The following ACOXL variants were observed in gnomAD, a reference collection of about 807,000 sequenced individuals.
ACOXL encodes the protein acyl-CoA oxidase like.
ACOXL carries 70 observed loss-of-function variants against 71.9 expected under a neutral mutation model. The ratio of observed to expected loss-of-function variants is 0.97; its 90% confidence interval spans 0.80 to 1.19. The LOEUF is 1.19. Among genes scored for constraint, ACOXL ranks in the 50% most tolerant of loss-of-function variants. The probability of loss-of-function intolerance (pLI) is 0.00; values close to 1 mark genes in which losing one functional copy is unlikely to be tolerated. For missense variants in ACOXL, 703 were observed against 736.3 expected, an observed-to-expected ratio of 0.95 and a Z score of 0.52; for synonymous variants, 253 against 281.6, an observed-to-expected ratio of 0.90 and a Z score of 1.02.
intron 13 of ACOXL, among the ~76,000 whole-genome samples, chr2:110,994,516 G>A (rs1558840961): frequency 6.6e-6 from 1 of 152,092 alleles, no homozygotes; most frequent in East Asian, 1.9e-4. Flanking sequence ...AGGAAGTGGG[G>A]AAAGGGGAGG....
chr2:110,871,287 AG>A (rs1274257210), intron 10 of ACOXL, among the ~76,000 whole-genome samples: 1 of 152,128 alleles, frequency 6.6e-6, no homozygotes, highest in Admixed American at 6.5e-5. Flanking sequence ...GTTGTGAAAG[AG>A]GCACACTGTC....
At chr2:110,988,424 A>G (rs1280086260) in intron 13 of ACOXL, among the ~76,000 whole-genome samples, 1 of 152,030 alleles carries the variant, frequency 6.6e-6, no homozygotes, top group African/African-American at 2.4e-5. Flanking sequence ...TGGGCAACAG[A>G]GTGAGACCTT....
intron 15 of ACOXL, among the ~76,000 whole-genome samples, chr2:111,047,762 C>G (rs2066087858): frequency 6.6e-6 from 1 of 152,214 alleles, no homozygotes; most frequent in African/African-American, 2.4e-5. Context: ...GTAATTAACA[C>G]TGGTTTCTGC....
At chr2:111,035,056 C>T (rs1401593530) in intron 15 of ACOXL, among the ~76,000 whole-genome samples, 3 of 151,894 alleles carry the variant, frequency 2.0e-5, no homozygotes, top group Admixed American at 6.6e-5. Context: ...TTAGTAGAGA[C>T]GGGGTTTCAC....
intron 9 of ACOXL, among the ~76,000 whole-genome samples, chr2:110,807,411 G>C (rs1412221398): frequency 6.6e-6 from 1 of 152,214 alleles, no homozygotes; most frequent in Non-Finnish European, 1.5e-5. Flanking sequence ...CCGTTACTGG[G>C]AAGACAGGAG....
chr2:110,810,388 T>TA (rs1375710065), intron 9 of ACOXL, among the ~76,000 whole-genome samples: 1 of 152,188 alleles, frequency 6.6e-6, no homozygotes, highest in Non-Finnish European at 1.5e-5. Context: ...AGTAGAGCCC[T>TA]ACATGTCATG....
At chr2:110,952,915 A>C (rs1030127304) in intron 12 of ACOXL, among the ~76,000 whole-genome samples, 2 of 152,188 alleles carry the variant, frequency 1.3e-5, no homozygotes, top group Non-Finnish European at 2.9e-5. Context: ...TTTGATATAT[A>C]AGATTTTCAG....
chr2:111,104,395 A>G (rs907074176), intron 17 of ACOXL, among the ~76,000 whole-genome samples: 1 of 152,198 alleles, frequency 6.6e-6, no homozygotes, highest in Non-Finnish European at 1.5e-5. Context: ...GCATGTTGAC[A>G]TTTTTAAGAA....
intron 9 of ACOXL, among the ~76,000 whole-genome samples, chr2:110,830,254 A>C (rs1016634671): frequency 6.6e-6 from 1 of 152,186 alleles, no homozygotes; most frequent in Non-Finnish European, 1.5e-5. Flanking sequence ...TCTCCTGTGC[A>C]ACAATTTGGC....
chr2:110,777,864 G>A (rs1354327860), intron 2 of ACOXL, among the ~76,000 whole-genome samples: 1 of 152,202 alleles, frequency 6.6e-6, no homozygotes, highest in Non-Finnish European at 1.5e-5. Flanking sequence ...AGGAGTCGGG[G>A]CAGGTGTCCT....
At chr2:110,871,352 G>A (rs1394534810) in intron 10 of ACOXL, among the ~76,000 whole-genome samples, 2 of 152,150 alleles carry the variant, frequency 1.3e-5, no homozygotes, top group African/African-American at 4.8e-5. Context: ...CACAGACCTT[G>A]CTGATACTCC....
At chr2:110,849,749 A>AAAACAAACAAAC (rs71383889) in intron 10 of ACOXL, among the ~76,000 whole-genome samples, 59 of 151,104 alleles carry the variant, frequency 3.9e-4, no homozygotes, top group African/African-American at 1.2e-3. Context: ...CAGAGTGAGA[A>AAAACAAACAAAC]AAACAAACAA....
chr2:111,067,944 A>G (rs74848138), intron 16 of ACOXL, among the ~76,000 whole-genome samples: 11,882 of 152,196 alleles, frequency 0.078, 597 homozygotes, highest in Non-Finnish European at 0.11. Context: ...TGGAGGTGGG[A>G]GAGGGAGAAT....
chr2:110,859,411 G>T (rs1011653132), intron 10 of ACOXL, among the ~76,000 whole-genome samples: 4 of 152,216 alleles, frequency 2.6e-5, no homozygotes, highest in Non-Finnish European at 4.4e-5. Context: ...CAGCTGGGTT[G>T]CTGGAGGATA....
chr2:110,983,051 A>G (rs969112401), intron 12 of ACOXL, among the ~76,000 whole-genome samples: 1 of 152,204 alleles, frequency 6.6e-6, no homozygotes, highest in Admixed American at 6.5e-5. Context: ...ACTTTGAGTC[A>G]ATCTCCCACT....
chr2:111,031,503 G>A (rs2065263048), intron 14 of ACOXL, 124 bp from the exon 15 acceptor site: 1 of 801,542 alleles, frequency 1.2e-6, no homozygotes, highest in Non-Finnish European at 2.1e-6. Context: ...CCTACAGAAG[G>A]TTCTGCACTG....
At chr2:110,975,538 T>C (rs2062406420) in intron 12 of ACOXL, among the ~76,000 whole-genome samples, 2 of 152,136 alleles carry the variant, frequency 1.3e-5, no homozygotes, top group Admixed American at 6.5e-5. Flanking sequence ...TATAAAATCA[T>C]AATAACCATC....
chr2:110,868,664 C>T (rs1029082167), intron 10 of ACOXL, among the ~76,000 whole-genome samples: 1 of 152,230 alleles, frequency 6.6e-6, no homozygotes, highest in Admixed American at 6.5e-5. Context: ...CCCCAGCTCA[C>T]TGCAGCCTCA....
At chr2:110,756,039 A>G (rs1314996738) in intron 1 of ACOXL, among the ~76,000 whole-genome samples, 1 of 152,252 alleles carries the variant, frequency 6.6e-6, no homozygotes, top group Admixed American at 6.5e-5. Context: ...AGAATTGTCT[A>G]ACATGTCTCT....
Sources: gnomAD v4.1 joint callset for allele counts (sites outside exome capture counted in the v4.1 genomes callset) on GRCh38, gnomAD v4.1.1 for gene constraint, MANE v1.5 for transcripts, NCBI Gene and HGNC (gene_info 2026-07-23, HGNC 2026-07-21) for gene names.